MOB3B: variants seen among roughly 807,000 people sequenced by gnomAD.
MOB3B encodes the protein MOB kinase activator 3B.
Under a neutral mutation model 18.7 loss-of-function variants are expected in MOB3B, and 7 were observed. That is an observed-to-expected ratio of 0.37 (90% CI 0.21 to 0.70). The LOEUF is 0.70. MOB3B is among the 30% of genes least tolerant of loss of function. MOB3B has a pLI of 0.52. For missense variants in MOB3B, 253 were observed against 281.3 expected, an observed-to-expected ratio of 0.90 and a Z score of 0.72; for synonymous variants, 111 against 99.9, an observed-to-expected ratio of 1.11 and a Z score of -0.66.
At chr9:27,430,929 A>G (rs1000572289) in intron 2 of MOB3B, among the ~76,000 whole-genome samples, 22 of 84,416 alleles carry the variant, frequency 2.6e-4, no homozygotes, top group African/African-American at 1.1e-3. Context: ...CCTGCTTGGG[A>G]AAAAAAAAAA....
chr9:27,501,609 G>A (rs957584342), intron 1 of MOB3B, among the ~76,000 whole-genome samples: 2 of 132,754 alleles, frequency 1.5e-5, no homozygotes, highest in African/African-American at 2.7e-5. Context: ...ATGGGGTGGG[G>A]GGTGGGGGGA....
At chr9:27,479,499 T>C (rs1563878675) in intron 1 of MOB3B, among the ~76,000 whole-genome samples, 1 of 152,032 alleles carries the variant, frequency 6.6e-6, no homozygotes, top group African/African-American at 2.4e-5. Flanking sequence ...AGAGAGACTA[T>C]CCAATTCATA....
chr9:27,450,807 C>T (rs1297325756), intron 2 of MOB3B, among the ~76,000 whole-genome samples: 1 of 152,190 alleles, frequency 6.6e-6, no homozygotes, highest in African/African-American at 2.4e-5. Context: ...ATGTCAGCAT[C>T]TTCACTGGTA....
chr9:27,437,186 C>T (rs944405), intron 2 of MOB3B, among the ~76,000 whole-genome samples: 148,086 of 152,246 alleles, frequency 0.97, 72,146 homozygotes, highest in East Asian at 1. Context: ...TGGGAAGATA[C>T]TGCACTTTAG....
chr9:27,403,516 A>ATTTTTTTTTTTTT (rs74178385), intron 2 of MOB3B, among the ~76,000 whole-genome samples: 3 of 79,626 alleles, frequency 3.8e-5, no homozygotes, highest in South Asian at 6.0e-4. Flanking sequence ...CTCTTTACTA[A>ATTTTTTTTTTTTT]TTTTTTTTTT....
intron 2 of MOB3B, among the ~76,000 whole-genome samples, chr9:27,372,839 A>G (rs1329553589): frequency 6.6e-6 from 1 of 152,180 alleles, no homozygotes; most frequent in Non-Finnish European, 1.5e-5. Flanking sequence ...TTAGGGAAAA[A>G]CTGAATACTG....
intron 2 of MOB3B, among the ~76,000 whole-genome samples, chr9:27,435,936 G>A (rs139411783): frequency 6.3e-4 from 96 of 152,244 alleles, no homozygotes; most frequent in Non-Finnish European, 9.3e-4. Context: ...CCAAGGCCCT[G>A]CTCCCTCTGT....
chr9:27,448,781 C>T (rs1009384530), intron 2 of MOB3B, among the ~76,000 whole-genome samples: 4 of 152,164 alleles, frequency 2.6e-5, no homozygotes, highest in African/African-American at 4.8e-5. Context: ...TTTACTAGAT[C>T]CCACAGGTGG....
At chr9:27,519,651 A>T (rs1587275196) in intron 1 of MOB3B, among the ~76,000 whole-genome samples, 1 of 152,196 alleles carries the variant, frequency 6.6e-6, no homozygotes, top group East Asian at 1.9e-4. Flanking sequence ...GCCGCAGGGG[A>T]GGAGAGGAGC....
intron 2 of MOB3B, among the ~76,000 whole-genome samples, chr9:27,390,109 G>A (rs1048523927): frequency 1.3e-5 from 2 of 151,874 alleles, no homozygotes; most frequent in Admixed American, 6.6e-5. Flanking sequence ...ACGGAGTCTC[G>A]CTATGTTACC....
chr9:27,424,600 T>A (rs767650099), intron 2 of MOB3B, among the ~76,000 whole-genome samples: 4 of 152,166 alleles, frequency 2.6e-5, no homozygotes, highest in Admixed American at 6.5e-5. Context: ...ATAAACTGCA[T>A]GGGGACCCAT....
At chr9:27,491,325 C>T (rs750400608) in intron 1 of MOB3B, among the ~76,000 whole-genome samples, 2 of 152,044 alleles carry the variant, frequency 1.3e-5, no homozygotes, top group Non-Finnish European at 2.9e-5. Flanking sequence ...ATGCTATTCA[C>T]TAAGAAAAAA....
intron 3 of MOB3B, among the ~76,000 whole-genome samples, chr9:27,345,278 G>A (rs1245637409): frequency 2.6e-5 from 4 of 152,012 alleles, no homozygotes; most frequent in Non-Finnish European, 1.5e-5. Flanking sequence ...GGTTGTAATG[G>A]GTCAGAACTG....
rs2131326837 is a variant in MOB3B at position 27,329,144 on chromosome 9, T to C, written c.*1443A>G. 1 of 152,318 alleles carries C rather than the reference T, an allele frequency of 6.6e-6. No homozygotes were observed. The highest frequency in any genetic ancestry group is 2.1e-4 in the South Asian group (1 of 4,820). The allele number at this position is 152,318 out of a possible 1,614,324, so 9.4% of individuals were successfully genotyped here. ...AACAAAATCAGAGTCATTTAGTTAT[T>C]CTTTAATCATTATTACTTTAAAATA... On this transcript the variant is annotated 3_prime_UTR_variant, in exon 4 of 4. Transcript: ENST00000262244.
chr9:27,336,685 C>A (rs1820868485), intron 3 of MOB3B, among the ~76,000 whole-genome samples: 1 of 151,998 alleles, frequency 6.6e-6, no homozygotes, highest in African/African-American at 2.4e-5. Context: ...CATTTTAAAG[C>A]CGTTGGATGT....
intron 1 of MOB3B, among the ~76,000 whole-genome samples, chr9:27,460,736 C>A (rs1292204177): frequency 6.6e-6 from 1 of 152,140 alleles, no homozygotes; most frequent in Admixed American, 6.5e-5. Context: ...GATTCATTTC[C>A]TATAGGAAGG....
chr9:27,455,433 A>C lies in MOB3B; in HGVS notation c.118T>G (p.Ser40Ala). 6.2e-7 allele frequency: 1 copy of C among 1,614,076 alleles called. No individual in the cohort carries two copies. The highest frequency in any genetic ancestry group is 8.5e-7 in the Non-Finnish European group (1 of 1,180,014). Residue 40 changes from serine (S) to alanine (A), a missense_variant, in exon 2 of 4, where the codon TCG (serine) becomes GCG (alanine). Coordinates refer to ENST00000262244, the MANE Select transcript of MOB3B (RefSeq NM_024761.5). ...LHKRAQASLN[S>A]GVDLKAAVQL... ...ACAGCCGCCTTCAGGTCCACACCCG[A>C]GTTGAGGGATGCCTGAGCCCGTTTG...
At chr9:27,418,434 T>G (rs1272206460) in intron 2 of MOB3B, among the ~76,000 whole-genome samples, 1 of 151,824 alleles carries the variant, frequency 6.6e-6, no homozygotes, top group East Asian at 1.9e-4. Context: ...CTAAAATCCT[T>G]AAAAAAAATA....
At chr9:27,339,201 G>T (rs1820906050) in intron 3 of MOB3B, among the ~76,000 whole-genome samples, 1 of 152,182 alleles carries the variant, frequency 6.6e-6, no homozygotes, top group Non-Finnish European at 1.5e-5. Context: ...GAGGGTAAAG[G>T]GACCAGGAGT....
Sources: gnomAD v4.1 joint callset for allele counts (sites outside exome capture counted in the v4.1 genomes callset) on GRCh38, gnomAD v4.1.1 for gene constraint, MANE v1.5 for transcripts, NCBI Gene and HGNC (gene_info 2026-07-23, HGNC 2026-07-21) for gene names.